The following FLRT2 variants were observed in gnomAD, a reference collection of about 807,000 sequenced individuals.
FLRT2 encodes the protein fibronectin leucine rich transmembrane protein 2.
A neutral mutation model predicts 40.0 loss-of-function variants in FLRT2; 15 were observed. The ratio of observed to expected loss-of-function variants is 0.38; its 90% CI spans 0.25 to 0.58. The LOEUF (loss-of-function observed/expected upper bound fraction) is 0.58, where lower values mean the gene tolerates loss of function less well. Among genes scored for constraint, FLRT2 ranks in the 20% least tolerant of loss-of-function variants. The pLI is 0.71. For synonymous variants in FLRT2, 380 were observed against 336.8 expected, an observed-to-expected ratio of 1.13 and a Z score of -1.41; for missense variants, 726 against 840.0, an observed-to-expected ratio of 0.86 and a Z score of 1.68.
intron 1 of FLRT2, chr14:85,562,579 G>C (rs1031672351): frequency 1.2e-4 from 18 of 148,696 alleles, no homozygotes; most frequent in African/African-American, 4.5e-4. Context: ...GTTACTTGAA[G>C]CTGGTTCCCA....
rs765022952 is a variant in FLRT2, at chr14:85,568,903, TG to T, written c.-377+38370del. On this transcript the variant is annotated intron_variant, in intron 1 of 1. Coordinates refer to ENST00000330753, the MANE Select transcript of FLRT2 (RefSeq NM_013231.6). ...CTGGTGTATATCAGCCGCCTCTCTC[TG>T]CCTCTCACTCATTCCGTCTGTCTCC... is the stretch of plus-strand genomic sequence containing the variant. Among the ~76,000 whole-genome samples, 1,096 of 152,342 alleles carry T rather than the reference TG, an allele frequency of 7.2e-3. 12 individuals carry two copies. Among genetic ancestry groups the T allele is most frequent in the Middle Eastern group, 0.021 (6 of 292 alleles).
rs142187840 is a variant in FLRT2, at chr14:85,539,596, T to G, written c.-377+9062T>G. 2.1e-3 allele frequency among the ~76,000 whole-genome samples: 318 copies of G among 152,284 alleles called. 1 individual carries two copies. Among genetic ancestry groups the G allele is most frequent in the African/African-American group, 7.4e-3 (307 of 41,566 alleles). ...TCATGTCAGCATGCTTCTTTCTATA[T>G]TCAGCCTTGTATGAATTACTTAATC... On this transcript the variant is annotated intron_variant, in intron 1 of 1. Coordinates refer to ENST00000330753, the MANE Select transcript of FLRT2 (RefSeq NM_013231.6).
chr14:85,578,981 C>T (rs1891262903), intron 1 of FLRT2, among the ~76,000 whole-genome samples: 1 of 152,180 alleles, frequency 6.6e-6, no homozygotes. Context: ...ACCTTCTGAT[C>T]CACCCCAGCA....
chr14:85,607,286 G>A (rs1283042831), intron 1 of FLRT2, among the ~76,000 whole-genome samples: 1 of 152,146 alleles, frequency 6.6e-6, no homozygotes, highest in Non-Finnish European at 1.5e-5. Context: ...CTGCCGAGAT[G>A]GAAGCTTAGA....
chr14:85,562,197 G>C (rs1595026621), intron 1 of FLRT2, among the ~76,000 whole-genome samples: 1 of 152,184 alleles, frequency 6.6e-6, no homozygotes, highest in East Asian at 1.9e-4. Flanking sequence ...GGAAGGAAAG[G>C]CATCACTTGT....
intron 1 of FLRT2, among the ~76,000 whole-genome samples, chr14:85,584,646 G>A (rs998186633): frequency 2.0e-5 from 3 of 152,196 alleles, no homozygotes; most frequent in Admixed American, 1.3e-4. Context: ...TGCCCGGGCT[G>A]AGCAGAGAAT....
Position 85,630,064 on chromosome 14 carries a change from C to T in FLRT2, c.*6567C>T, listed in dbSNP as rs937173888. On this transcript the variant is annotated 3_prime_UTR_variant, in exon 2 of 2. Transcript: ENST00000330753. ...TATTTTGTAGATTCCGCTGAAAAAGCACGTATGTCACAATCTATTAGGGCA... is the reference window on the plus strand; with the variant it reads ...TATTTTGTAGATTCCGCTGAAAAAGTACGTATGTCACAATCTATTAGGGCA... The T allele has an allele frequency of 6.6e-6, 1 of 152,082 alleles. No homozygotes were observed. The highest frequency in any genetic ancestry group is 2.4e-5 in the African/African-American group (1 of 41,424). 9.4% of individuals were successfully genotyped at this position (152,082 alleles called of 1,614,324 possible).
At chr14:85,533,874 C>T (rs1888465209) in intron 1 of FLRT2, among the ~76,000 whole-genome samples, 1 of 151,890 alleles carries the variant, frequency 6.6e-6, no homozygotes, top group Admixed American at 6.6e-5. Context: ...GCTCCAGCAG[C>T]CGCCGCCGTC....
intron 1 of FLRT2, among the ~76,000 whole-genome samples, chr14:85,569,284 G>A (rs1266464541): frequency 6.6e-6 from 1 of 152,194 alleles, no homozygotes; most frequent in Non-Finnish European, 1.5e-5. Context: ...TGATTGTCAA[G>A]CCCACCGTGG....
At position 85,621,698 on chromosome 14, in the gene FLRT2, C is replaced by T; in HGVS notation, c.184C>T (p.Pro62Ser). The change falls in exon 2 of 2, where the codon CCG (proline) becomes TCG (serine). Residue 62 changes from proline (P) to serine (S), a missense_variant. Physicochemically the swap from Pro to Ser is moderately conservative, Grantham distance 74. This residue lies in a region of FLRT2 where 106 missense variants were observed against 121.2 expected (regional missense o/e 0.87). Coordinates refer to ENST00000330753, the MANE Select transcript of FLRT2 (RefSeq NM_013231.6). ...RSLTSVPLGI[P>S]EGVTVLYLHN... is the part of the protein sequence containing the mutation. The stretch of plus-strand genomic sequence containing the variant: ...CTTGACCTCAGTGCCTCTTGGGATC[C>T]CGGAGGGCGTAACTGTACTCTACCT... 1.2e-6 allele frequency: 2 copies of T among 1,614,066 alleles called. No homozygotes were observed. Among genetic ancestry groups the T allele is most frequent in the South Asian group, 2.2e-5 (2 of 91,080 alleles).
rs1190149584 is a variant in FLRT2 at position 85,637,035 on chromosome 14, C to T, written c.*13538C>T. The T allele has an allele frequency of 6.7e-6, 1 of 149,970 alleles. No individual in the cohort carries two copies. The allele number at this position is 149,970 out of a possible 1,614,324, so 9.3% of individuals were successfully genotyped here. A position where few individuals can be genotyped will look rare whatever the true frequency, so the allele number is the denominator to read the frequency against. ...TTTACAAAACAATAATCTAAGTGGGCAAGTAAATACTGGTGTGACATACAT... is the reference window on the plus strand; with the variant it reads ...TTTACAAAACAATAATCTAAGTGGGTAAGTAAATACTGGTGTGACATACAT... On this transcript the variant is annotated 3_prime_UTR_variant, in exon 2 of 2. Coordinates refer to ENST00000330753, the MANE Select transcript of FLRT2 (RefSeq NM_013231.6).
intron 1 of FLRT2, among the ~76,000 whole-genome samples, chr14:85,614,168 G>A (rs914500689): frequency 1.4e-4 from 22 of 152,034 alleles, no homozygotes; most frequent in African/African-American, 1.9e-4. Context: ...GAGAAGTGAC[G>A]CAGTGTGCCC....
chr14:85,531,740 AC>A (rs1414951414), intron 1 of FLRT2, among the ~76,000 whole-genome samples: 1 of 152,176 alleles, frequency 6.6e-6, no homozygotes, highest in Non-Finnish European at 1.5e-5. Context: ...TCCCCGGGAT[AC>A]GTATTAGTCA....
In FLRT2 at chr14:85,606,995, A is replaced by G. The variant is rs548125899; in HGVS notation, c.-376-14144A>G. 2.7e-5 allele frequency among the ~76,000 whole-genome samples: 4 copies of G among 150,200 alleles called. No homozygotes were observed. In the South Asian group the frequency reaches 8.4e-4, roughly 31 times the overall value. On this transcript the variant is annotated intron_variant, in intron 1 of 1. Coordinates refer to ENST00000330753, the MANE Select transcript of FLRT2 (RefSeq NM_013231.6). ...CATGACATTTTAATACTACAGATCTACTGTATATCTATGGATGTACTGTAG... is the reference window on the plus strand; with the variant it reads ...CATGACATTTTAATACTACAGATCTGCTGTATATCTATGGATGTACTGTAG...
At chr14:85,541,934 A>G (rs548089641) in intron 1 of FLRT2, among the ~76,000 whole-genome samples, 1 of 152,328 alleles carries the variant, frequency 6.6e-6, no homozygotes, top group Non-Finnish European at 1.5e-5. Context: ...TGTCCTTGCC[A>G]AAGTACAAAG....
At chr14:85,564,432 A>G (rs774791543) in intron 1 of FLRT2, among the ~76,000 whole-genome samples, 8 of 152,188 alleles carry the variant, frequency 5.3e-5, no homozygotes, top group African/African-American at 9.7e-5. Context: ...AAACAAGTAA[A>G]TACAATCACC....
intron 1 of FLRT2, among the ~76,000 whole-genome samples, chr14:85,582,740 A>G (rs950078630): frequency 6.6e-6 from 1 of 152,134 alleles, no homozygotes; most frequent in Non-Finnish European, 1.5e-5. Context: ...ATGGACTAAT[A>G]TAGTCCTTGT....
intron 1 of FLRT2, among the ~76,000 whole-genome samples, chr14:85,619,620 T>G (rs1022044500): frequency 4.6e-5 from 7 of 152,218 alleles, no homozygotes; most frequent in Non-Finnish European, 1.0e-4. Flanking sequence ...TTTTTAATTA[T>G]ATTTCTAAAG....
In FLRT2 at chr14:85,642,140, A is replaced by AAT. The variant is rs1042483267; in HGVS notation, c.*18644_*18645insTA. 2.0e-5 allele frequency: 3 copies of AAT among 150,364 alleles called. No homozygotes were observed. The highest frequency in any genetic ancestry group is 7.3e-5 in the African/African-American group (3 of 41,136). The allele number at this position is 150,364 out of a possible 1,614,324, so 9.3% of individuals were successfully genotyped here. ...TTCAAGGTTGCTGTTGACAAAAAAA[A>AAT]AAAAAAAGAAAGAAAGAAAAAAATG... is the stretch of plus-strand genomic sequence containing the variant. On this transcript the variant is annotated 3_prime_UTR_variant, in exon 2 of 2. Coordinates refer to ENST00000330753, the MANE Select transcript of FLRT2 (RefSeq NM_013231.6).
Sources: allele counts gnomAD v4.1 joint callset (sites outside exome capture counted in the v4.1 genomes callset), GRCh38; gene constraint gnomAD v4.1.1; regional missense constraint gnomAD v4.1.1; transcripts MANE v1.5; gene names NCBI Gene and HGNC (gene_info 2026-07-23, HGNC 2026-07-21).